Variants in SACS observed in about 807,000 individuals in gnomAD.
SACS encodes the protein sacsin molecular chaperone, also known as sacsin.
A neutral mutation model predicts 348.0 loss-of-function variants in SACS; 197 were observed. The ratio of observed to expected loss-of-function variants is 0.57; its 90% CI spans 0.50 to 0.64. The LOEUF (loss-of-function observed/expected upper bound fraction) is 0.64. SACS is among the 30% of genes least tolerant of loss of function. The probability of loss-of-function intolerance (pLI) is 0.00; values close to 1 mark genes in which losing one functional copy is unlikely to be tolerated. For missense variants in SACS, 4,999 were observed against 5,360.8 expected (o/e 0.93, Z 2.11); for synonymous variants, 1,985 against 1,910.6 (o/e 1.04, Z -1.02).
intron 9 of SACS, among the ~76,000 whole-genome samples, chr13:23,341,946 CCA>C (rs1566072920): frequency 6.6e-6 from 1 of 151,920 alleles, no homozygotes; most frequent in Non-Finnish European, 1.5e-5. Flanking sequence ...GCCACCACAC[CCA>C]GTTAATTTTT....
chr13:23,361,235 C>T (rs555619659), intron 6 of SACS, among the ~76,000 whole-genome samples: 1 of 152,302 alleles, frequency 6.6e-6, no homozygotes, highest in Admixed American at 6.5e-5. Flanking sequence ...GACAGCCCTC[C>T]TCAGTAAAGA....
chr13:23,354,946 G>A lies in SACS; in HGVS notation c.1666C>T (p.Leu556=). 1 of 1,614,212 alleles carries A rather than the reference G, an allele frequency of 6.2e-7. No individual in the cohort carries two copies. Among genetic ancestry groups the A allele is most frequent in the Non-Finnish European group, 8.5e-7 (1 of 1,180,042 alleles). ...GAATAAATCACTGCATTCTGCAACA[G>A]CTCGCTGAATAGAGGCTCTAACACC... is the stretch of plus-strand genomic sequence containing the variant. The part of the protein sequence containing the change: ...QPVLEPLFSE[L]LQNAVIYSIS... The change falls in exon 8 of 10, where the codon CTG becomes TTG. Residue 556 remains leucine (L), a synonymous_variant. Transcript: ENST00000382292.
chr13:23,360,897 A>G (rs2709232), intron 6 of SACS, among the ~76,000 whole-genome samples: 128,901 of 151,928 alleles, frequency 0.85, 54,981 homozygotes, highest in East Asian at 1. Context: ...TGGGACCACA[A>G]TCGCACACCA....
At chr13:23,407,059 A>AT (rs1873256166) in intron 2 of SACS, among the ~76,000 whole-genome samples, 2 of 152,226 alleles carry the variant, frequency 1.3e-5, no homozygotes, top group South Asian at 4.1e-4. Flanking sequence ...CACCAAGGAC[A>AT]TTCAAACTGA....
At position 23,341,701 on chromosome 13, in the gene SACS, T is replaced by C. The variant is rs373149313; in HGVS notation, c.2186-11A>G. The C allele has an allele frequency of 6.2e-7, 1 of 1,605,912 alleles. No homozygotes were observed. The highest frequency in any genetic ancestry group is 8.5e-7 in the Non-Finnish European group (1 of 1,175,736). On this transcript the variant is annotated splice_polypyrimidine_tract_variant and intron_variant, in intron 9 of 9. Transcript: ENST00000382292. ...GAGTACATGGTCTTCCTGTAAATCA[T>C]ACACAGAAATGTCATAAATACATAT...
At position 23,336,691 on chromosome 13, in the gene SACS, G is replaced by A; in HGVS notation, c.7185C>T (p.Cys2395=). The change falls in exon 10 of 10, where the codon TGC becomes TGT. Residue 2395 remains cysteine (C), a synonymous_variant. Coordinates refer to ENST00000382292, the MANE Select transcript of SACS (RefSeq NM_014363.6). The part of the protein sequence containing the change: ...LFETVGVRQS[C]TVEDFALVLE... ...AAACAAGAGCAAAATCTTCAACAGT[G>A]CATGACTGCCTCACACCCACGGTTT... 1 of 1,613,798 alleles carries A rather than the reference G, an allele frequency of 6.2e-7. No homozygotes were observed. The highest frequency in any genetic ancestry group is 1.7e-5 in the Admixed American group (1 of 59,990).
Position 23,405,073 on chromosome 13 carries a change from T to C in SACS, c.20+6147A>G, listed in dbSNP as rs112141763. On this transcript the variant is annotated intron_variant, in intron 2 of 9. Coordinates refer to ENST00000382292, the MANE Select transcript of SACS (RefSeq NM_014363.6). ...AGAAAAAACTACTTTAAATTTCATA[T>C]GGAACCAAAAAAGAGCCCGTATAAG... 8.8e-3 allele frequency among the ~76,000 whole-genome samples: 1,335 copies of C among 152,294 alleles called. 17 individuals are homozygous for C. The highest frequency in any genetic ancestry group is 0.03 in the African/African-American group (1,265 of 41,552).
chr13:23,392,986 G>A (rs1036458591), intron 2 of SACS, among the ~76,000 whole-genome samples: 4 of 152,066 alleles, frequency 2.6e-5, no homozygotes, highest in African/African-American at 7.2e-5. Context: ...CACAGACATC[G>A]GGAGAGGCCA....
intron 6 of SACS, among the ~76,000 whole-genome samples, chr13:23,361,039 G>A (rs1407029818): frequency 1.3e-5 from 2 of 152,098 alleles, no homozygotes; most frequent in East Asian, 1.9e-4. Context: ...ACAGGCGTGA[G>A]CCCCCACCCT....
intron 2 of SACS, among the ~76,000 whole-genome samples, chr13:23,387,418 T>A (rs1019372267): frequency 1.5e-5 from 2 of 135,130 alleles, no homozygotes; most frequent in African/African-American, 5.6e-5. Context: ...GCAGAGATCG[T>A]GCCACTGCAC....
At chr13:23,376,485 A>G (rs1470027327) in intron 2 of SACS, among the ~76,000 whole-genome samples, 1 of 152,196 alleles carries the variant, frequency 6.6e-6, no homozygotes, top group Non-Finnish European at 1.5e-5. Context: ...AATGGAACAG[A>G]ATTAAATTTT....
intron 2 of SACS, among the ~76,000 whole-genome samples, chr13:23,403,941 T>C (rs57361534): frequency 0.031 from 4,793 of 152,332 alleles, 226 homozygotes; most frequent in African/African-American, 0.11. Flanking sequence ...TCTGGTACAT[T>C]GTGTCTTTGT....
chr13:23,422,244 A>T (rs562856980), intron 1 of SACS, among the ~76,000 whole-genome samples: 57 of 152,386 alleles, frequency 3.7e-4, no homozygotes, highest in Middle Eastern at 3.4e-3. Flanking sequence ...ATATATAAAC[A>T]TGAAAATTCA....
rs1870314613 is a variant in SACS at position 23,355,558 on chromosome 13, G to A, written c.1054C>T (p.Leu352=). 1 of 1,614,118 alleles carries A rather than the reference G, an allele frequency of 6.2e-7. No homozygotes were observed. The highest frequency in any genetic ancestry group is 1.1e-5 in the South Asian group (1 of 91,086). ...KHERPNSIKI[L]GTAISNYCKK... is the part of the protein sequence containing the mutation. ...CAATAGTTACTTATAGCAGTTCCCA[G>A]AATCTTTATAGAATTCGGCCGCTCA... is the stretch of plus-strand genomic sequence containing the variant. Residue 352 remains leucine (L), a synonymous_variant, in exon 8 of 10, where the codon CTG becomes TTG. Coordinates refer to ENST00000382292, the MANE Select transcript of SACS (RefSeq NM_014363.6).
chr13:23,388,118 G>A (rs1166893947), intron 2 of SACS, among the ~76,000 whole-genome samples: 5 of 152,042 alleles, frequency 3.3e-5, no homozygotes, highest in African/African-American at 7.2e-5. Flanking sequence ...AAGAAGAGAC[G>A]TCATTATATC....
At position 23,329,524 on chromosome 13, in the gene SACS, T is replaced by C. The variant is rs1267365166; in HGVS notation, c.*612A>G. On this transcript the variant is annotated 3_prime_UTR_variant, in exon 10 of 10. Transcript: ENST00000382292. ...TGTTAAAAAAAAATTTAAATAAAGA[T>C]GTAAAGTGCACTCAGTGCACTCTAA... The C allele has an allele frequency of 7.1e-6, 5 of 708,786 alleles. No individual in the cohort carries two copies. Among genetic ancestry groups the C allele is most frequent in the East Asian group, 5.2e-5 (2 of 38,392 alleles). 43.9% of individuals were successfully genotyped at this position (708,786 alleles called of 1,614,324 possible).
intron 1 of SACS, among the ~76,000 whole-genome samples, chr13:23,422,086 T>C (rs1873971546): frequency 6.6e-6 from 1 of 152,210 alleles, no homozygotes; most frequent in Admixed American, 6.5e-5. Context: ...ATTAGGCCTA[T>C]ATATGAACAT....
Position 23,340,657 on chromosome 13 carries a change from G to A in SACS, c.3219C>T (p.Phe1073=). Residue 1073 remains phenylalanine (F), a synonymous_variant, in exon 10 of 10, where the codon TTC becomes TTT. Transcript: ENST00000382292. ...DLFCNEEGTY[F]PPSVFTSPDI... is the part of the protein sequence containing the mutation. ...CTGGTGAGGTAAAAACTGAGGGTGG[G>A]AAATAGGTTCCTTCTTCATTACAAA... 6.3e-7 allele frequency: 1 copy of A among 1,598,776 alleles called. No homozygotes were observed. The highest frequency in any genetic ancestry group is 8.5e-7 in the Non-Finnish European group (1 of 1,175,318).
chr13:23,335,402 C>G lies in SACS; in HGVS notation c.8474G>C (p.Gly2825Ala), dbSNP rs1002309650. 5 of 1,613,914 alleles carry G rather than the reference C, an allele frequency of 3.1e-6. No homozygotes were observed. The highest frequency in any genetic ancestry group is 4.2e-6 in the Non-Finnish European group (5 of 1,179,880). ...LTTWLICNRS[G>A]FSSMEKVSKS... ...AGATACTTTCTCCATACTTGAAAAG[C>G]CTGATCTATTACAAATTAGCCACGT... The change falls in exon 10 of 10, where the codon GGC becomes GCC. Residue 2825 changes from glycine to alanine, a missense_variant. Gly to Ala is a moderately conservative substitution (Grantham distance 60). Coordinates refer to ENST00000382292, the MANE Select transcript of SACS (RefSeq NM_014363.6). This position sits in a 1 kb window ranked among gnomAD's most constrained non-coding sequence, Gnocchi z 4.7.
Sources: gnomAD v4.1 joint callset for allele counts (sites outside exome capture counted in the v4.1 genomes callset) on GRCh38, gnomAD v4.1.1 for gene constraint, Gnocchi (gnomAD v3.1) non-coding constraint, MANE v1.5 for transcripts, NCBI Gene and HGNC (gene_info 2026-07-23, HGNC 2026-07-21) for gene names.